SLC25A21: variants seen among roughly 807,000 people sequenced by gnomAD.
SLC25A21 encodes solute carrier family 25 member 21, also known as mitochondrial 2-oxodicarboxylate carrier.
In SLC25A21, 47 loss-of-function variants were observed where a neutral mutation model predicts 43.8. That is an observed-to-expected ratio of 1.07 (90% confidence interval 0.85 to 1.37). The LOEUF (loss-of-function observed/expected upper bound fraction) is 1.37. Among genes scored for constraint, SLC25A21 ranks in the 40% most tolerant of loss-of-function variants. The pLI is 0.00. For synonymous variants in SLC25A21, 131 were observed against 121.3 expected, an observed-to-expected ratio of 1.08 and a Z score of -0.52; for missense variants, 352 against 350.2, an observed-to-expected ratio of 1.00 and a Z score of -0.04.
At chr14:36,972,333 CATG>C (rs1959770051) in intron 1 of SLC25A21, among the ~76,000 whole-genome samples, 1 of 152,170 alleles carries the variant, frequency 6.6e-6, no homozygotes, top group South Asian at 2.1e-4. Flanking sequence ...TTAAGCGATT[CATG>C]ACTATATTTC....
intron 1 of SLC25A21, among the ~76,000 whole-genome samples, chr14:37,004,708 T>C (rs1472762743): frequency 2.0e-5 from 3 of 152,134 alleles, no homozygotes; most frequent in Non-Finnish European, 4.4e-5. Flanking sequence ...GTTCAGCGTC[T>C]CTGGGAGGGC....
chr14:36,800,901 C>G (rs1887847864), intron 3 of SLC25A21, among the ~76,000 whole-genome samples: 1 of 152,108 alleles, frequency 6.6e-6, no homozygotes, highest in Admixed American at 6.6e-5. Context: ...GGACACTGTG[C>G]ATAAACATTG....
chr14:36,948,086 C>T (rs1421607206), intron 1 of SLC25A21, among the ~76,000 whole-genome samples: 1 of 152,132 alleles, frequency 6.6e-6, no homozygotes, highest in Non-Finnish European at 1.5e-5. Context: ...AGCGTGCACA[C>T]ATCAGTTTAG....
At chr14:37,103,343 T>C (rs895926516) in intron 1 of SLC25A21, among the ~76,000 whole-genome samples, 8 of 152,154 alleles carry the variant, frequency 5.3e-5, no homozygotes, top group African/African-American at 1.9e-4. Context: ...ATCTCTTAAC[T>C]TACTGAGGAA....
intron 1 of SLC25A21, among the ~76,000 whole-genome samples, chr14:37,060,605 C>CCACA (rs10560891): frequency 0.013 from 1,885 of 149,164 alleles, 37 homozygotes; most frequent in African/African-American, 0.043. Flanking sequence ...CCATTAAACA[C>CCACA]CACACACACA....
intron 1 of SLC25A21, among the ~76,000 whole-genome samples, chr14:37,057,677 C>A (rs183797275): frequency 1.3e-5 from 2 of 152,228 alleles, no homozygotes. Context: ...ACAATGTTGT[C>A]ACTTTTTATT....
chr14:37,113,635 C>T (rs538422773), intron 1 of SLC25A21, among the ~76,000 whole-genome samples: 6 of 152,202 alleles, frequency 3.9e-5, no homozygotes, highest in African/African-American at 1.4e-4. Flanking sequence ...AGGCAGATCA[C>T]CTGAGGTCAG....
At chr14:36,977,575 C>T (rs1405014213) in intron 1 of SLC25A21, among the ~76,000 whole-genome samples, 1 of 152,184 alleles carries the variant, frequency 6.6e-6, no homozygotes, top group Non-Finnish European at 1.5e-5. Flanking sequence ...TTATAATTCT[C>T]TGTTACAGCA....
intron 3 of SLC25A21, among the ~76,000 whole-genome samples, chr14:36,783,437 C>CT: frequency 6.6e-6 from 1 of 152,192 alleles, no homozygotes; most frequent in Middle Eastern, 3.4e-3. Flanking sequence ...GAGTTTCCAC[C>CT]TGTCTTCCTT....
At chr14:37,153,851 T>C (rs544191914) in intron 1 of SLC25A21, among the ~76,000 whole-genome samples, 4 of 152,168 alleles carry the variant, frequency 2.6e-5, no homozygotes, top group African/African-American at 9.6e-5. Flanking sequence ...AGCTGACCTA[T>C]CTGCAAGCCC....
chr14:36,768,496 C>T (rs1886494910), intron 3 of SLC25A21, among the ~76,000 whole-genome samples: 1 of 152,166 alleles, frequency 6.6e-6, no homozygotes, highest in South Asian at 2.1e-4. Flanking sequence ...CCACCGTCGC[C>T]TCTTCTGACA....
chr14:37,023,766 T>A (rs1961036118), intron 1 of SLC25A21, among the ~76,000 whole-genome samples: 1 of 151,996 alleles, frequency 6.6e-6, no homozygotes. Context: ...TTCTCTCATG[T>A]GTGCTCTCAC....
At chr14:36,909,904 A>G (rs1219358397) in intron 1 of SLC25A21, among the ~76,000 whole-genome samples, 1 of 152,174 alleles carries the variant, frequency 6.6e-6, no homozygotes, top group East Asian at 1.9e-4. Flanking sequence ...TCTCCTACCT[A>G]AATACGAACA....
chr14:36,939,338 T>C (rs1892501156), intron 1 of SLC25A21, among the ~76,000 whole-genome samples: 1 of 152,138 alleles, frequency 6.6e-6, no homozygotes, highest in Non-Finnish European at 1.5e-5. Flanking sequence ...GAATTCTCTA[T>C]CATGCATATT....
At chr14:36,756,347 G>A (rs963475195) in intron 3 of SLC25A21, among the ~76,000 whole-genome samples, 2 of 152,116 alleles carry the variant, frequency 1.3e-5, no homozygotes, top group Non-Finnish European at 2.9e-5. Flanking sequence ...CTATGTACGC[G>A]GCTTCACATC....
intron 2 of SLC25A21, among the ~76,000 whole-genome samples, chr14:36,868,951 G>C (rs564116048): frequency 6.6e-6 from 1 of 152,266 alleles, no homozygotes; most frequent in East Asian, 1.9e-4. Context: ...TCCCACTGGA[G>C]AGACCTACCA....
rs1428820930 is a variant in SLC25A21, at chr14:36,679,413, C to T, written c.*1245G>A. On this transcript the variant is annotated 3_prime_UTR_variant, in exon 10 of 10. Coordinates refer to ENST00000331299, the MANE Select transcript of SLC25A21 (RefSeq NM_030631.4). ...TCAAAATGCTTTAGTGAAATAGCCC[C>T]GTAGTAGAAATAGCCCACGGTAGTA... 15 of 983,972 alleles carry T rather than the reference C, an allele frequency of 1.5e-5. No homozygotes were observed. Among genetic ancestry groups the T allele is most frequent in the Non-Finnish European group, 1.7e-5 (14 of 828,884 alleles). The allele number at this position is 983,972 out of a possible 1,614,324, so 61.0% of individuals were successfully genotyped here.
intron 1 of SLC25A21, among the ~76,000 whole-genome samples, chr14:36,897,746 T>G (rs1465130837): frequency 6.6e-6 from 1 of 152,204 alleles, no homozygotes; most frequent in African/African-American, 2.4e-5. Flanking sequence ...TAATTTTCCT[T>G]CTAACAGTCA....
At chr14:36,945,173 C>T (rs748287948) in intron 1 of SLC25A21, among the ~76,000 whole-genome samples, 3 of 152,122 alleles carry the variant, frequency 2.0e-5, no homozygotes, top group Non-Finnish European at 2.9e-5. Flanking sequence ...TCCCCATAAT[C>T]CTTTCAAACT....
Sources: gnomAD v4.1 joint callset for allele counts (sites outside exome capture counted in the v4.1 genomes callset) on GRCh38, gnomAD v4.1.1 for gene constraint, MANE v1.5 for transcripts, NCBI Gene and HGNC (gene_info 2026-07-23, HGNC 2026-07-21) for gene names.